Variants in PLA2G4F observed in about 807,000 individuals in gnomAD.
The protein encoded by PLA2G4F is phospholipase A2 group IVF.
Under a neutral mutation model 103.1 loss-of-function variants are expected in PLA2G4F, and 105 were observed. The observed-to-expected ratio is 1.02, with a 90% CI of 0.87 to 1.20. The LOEUF is 1.20. PLA2G4F is among the 50% of genes most tolerant of loss of function. The pLI, the probability that PLA2G4F is intolerant of heterozygous loss-of-function variation, is 0.00. For synonymous variants in PLA2G4F, 468 were observed against 441.1 expected (o/e 1.06, Z -0.76); for missense variants, 1,155 against 1,075.9 (o/e 1.07, Z -1.03).
chr15:42,151,430 G>T, intron 7 of PLA2G4F: 1 of 985,330 alleles, frequency 1.0e-6, no homozygotes, highest in Non-Finnish European at 1.2e-6. Flanking sequence ...GCAGCTTTCT[G>T]GGGAGGAGGC....
chr15:42,149,926 G>C, intron 10 of PLA2G4F, 78 bp from the exon 11 acceptor site: 1 of 1,564,556 alleles, frequency 6.4e-7, no homozygotes, highest in South Asian at 1.1e-5. Flanking sequence ...GCCCAGCCCA[G>C]GTCTTTCACA....
Position 42,144,533 on chromosome 15 carries a change from G to A in PLA2G4F, c.1892C>T (p.Thr631Ile). The A allele has an allele frequency of 6.2e-7, 1 of 1,612,840 alleles. No individual in the cohort carries two copies. The highest frequency in any genetic ancestry group is 8.5e-7 in the Non-Finnish European group (1 of 1,180,034). Reference sequence around the variant, plus strand: ...GGTGAAGTTAAAGCTCTGGGCGGAAGTGAAGCGGGAGGTGAATATGTCCAG... The same window carrying A: ...GGTGAAGTTAAAGCTCTGGGCGGAAATGAAGCGGGAGGTGAATATGTCCAG... ...AVLDIFTSRF[T>I]SAQSFNFTRG... The change falls in exon 17 of 20, where the codon ACT (threonine) becomes ATT (isoleucine). Residue 631 changes from threonine (T) to isoleucine (I), a missense_variant. Coordinates refer to ENST00000397272, the MANE Select transcript of PLA2G4F (RefSeq NM_213600.4).
intron 17 of PLA2G4F, 79 bp from the exon 18 acceptor site, chr15:42,144,223 T>G: frequency 3.3e-6 from 5 of 1,499,318 alleles, no homozygotes; most frequent in Non-Finnish European, 3.6e-6. Context: ...TGCATTCACG[T>G]TTGCCTTCTC....
intron 2 of PLA2G4F, among the ~76,000 whole-genome samples, chr15:42,154,985 C>G (rs2048999227): frequency 6.6e-6 from 1 of 151,798 alleles, no homozygotes; most frequent in African/African-American, 2.4e-5. Context: ...ATGTGTAGTA[C>G]TCTCACACTG....
In PLA2G4F at chr15:42,147,275, T is replaced by C; in HGVS notation, c.1268A>G (p.Gln423Arg). ...VALQGPIERA[Q>R]VHVCSSKMGA... Reference sequence around the variant, plus strand: ...CATCTTACTGCTGCAGACGTGAACCTGGGCACGCTCAATGGGGCCCTGCAA... The same window carrying C: ...CATCTTACTGCTGCAGACGTGAACCCGGGCACGCTCAATGGGGCCCTGCAA... The change falls in exon 13 of 20, where the codon CAG (glutamine) becomes CGG (arginine). Residue 423 changes from glutamine to arginine, a missense_variant. Transcript: ENST00000397272. 6.2e-7 allele frequency: 1 copy of C among 1,611,592 alleles called. No homozygotes were observed.
intron 18 of PLA2G4F, among the ~76,000 whole-genome samples, 173 bp from the exon 19 acceptor site, chr15:42,142,887 T>G (rs765671631): frequency 6.6e-6 from 1 of 151,992 alleles, no homozygotes; most frequent in Non-Finnish European, 1.5e-5. Flanking sequence ...AATAAAAAAT[T>G]TTTAAACTTC....
Position 42,154,459 on chromosome 15 carries a change from C to A in PLA2G4F, c.185-1G>T. 1 of 1,571,198 alleles carries A rather than the reference C, an allele frequency of 6.4e-7. No individual in the cohort carries two copies. The highest frequency in any genetic ancestry group is 1.4e-5 in the African/African-American group (1 of 73,890). On this transcript the variant is annotated splice_acceptor_variant, in intron 2 of 19. Transcript: ENST00000397272. LOFTEE classifies it high-confidence loss of function. ...TGCACATAGCAGTCGGCTTTGGACA[C>A]TGCAGGTAGGACAGGGAGGGGCCGG...
intron 18 of PLA2G4F, among the ~76,000 whole-genome samples, chr15:42,143,188 A>ATG: frequency 6.8e-6 from 1 of 147,240 alleles, no homozygotes; most frequent in East Asian, 2.0e-4. Flanking sequence ...AAAAAAAAAA[A>ATG]AAAAAAAAAA....
chr15:42,155,519 A>C lies in PLA2G4F; in HGVS notation c.182T>G (p.Leu61Arg). ...LRATNIRGTD[L>R]LSKADCYVQL... Reference sequence around the variant, plus strand: ...AGGATGGAGATGGGGTCACTCACGCAGGTCTGTGCCCCGGATGTTTGTGGC... The same window carrying C: ...AGGATGGAGATGGGGTCACTCACGCCGGTCTGTGCCCCGGATGTTTGTGGC... The change falls in exon 2 of 20, where the codon CTG (leucine) becomes CGG (arginine). Residue 61 changes from leucine (L) to arginine (R), a missense_variant and splice_region_variant. Coordinates refer to ENST00000397272, the MANE Select transcript of PLA2G4F (RefSeq NM_213600.4). 6.2e-7 allele frequency: 1 copy of C among 1,613,990 alleles called. No homozygotes were observed. The highest frequency in any genetic ancestry group is 8.5e-7 in the Non-Finnish European group (1 of 1,179,864).
chr15:42,147,851 G>C lies in PLA2G4F; in HGVS notation c.1060-89C>G, dbSNP rs1270588160. 14 of 1,528,016 alleles carry C rather than the reference G, an allele frequency of 9.2e-6. No individual in the cohort carries two copies. In the Admixed American group the frequency reaches 2.4e-4, roughly 26 times the overall value. The allele number at this position is 1,528,016 out of a possible 1,614,324, so 94.7% of individuals were successfully genotyped here. ...ATACATGTAGGACATTATTCTAAGA[G>C]TCTTACACGTATTATCTCATTGAAT... On this transcript the variant is annotated intron_variant, in intron 11 of 19. Transcript: ENST00000397272.
chr15:42,141,607 G>A lies in PLA2G4F; in HGVS notation c.*377C>T, dbSNP rs1488630779. ...TAAGGAGGACAGCTGGCTTCTCAGTGCCCTCAGCCCCTGTTCTGTGTGGGT... is the reference window on the plus strand; with the variant it reads ...TAAGGAGGACAGCTGGCTTCTCAGTACCCTCAGCCCCTGTTCTGTGTGGGT... On this transcript the variant is annotated 3_prime_UTR_variant, in exon 20 of 20. Transcript: ENST00000397272. 2.1e-6 allele frequency: 1 copy of A among 472,572 alleles called. No homozygotes were observed. The highest frequency in any genetic ancestry group is 4.2e-6 in the Non-Finnish European group (1 of 238,664). 29.3% of individuals were successfully genotyped at this position (472,572 alleles called of 1,614,324 possible).
intron 11 of PLA2G4F, chr15:42,149,017 G>A: frequency 2.0e-6 from 2 of 985,368 alleles, no homozygotes; most frequent in Non-Finnish European, 2.4e-6. Context: ...GAAGCCGGCA[G>A]CCTATTCCTG....
chr15:42,153,637 T>C lies in PLA2G4F; in HGVS notation c.474A>G (p.Glu158=), dbSNP rs534770676. ...GAACTCACCTCTTCTCCAGAACAAA[T>C]TCCACCTGCAGCTCTTGTGAATCCT... ...NHQDSQELQV[E]FVLEKSQVPA... The change falls in exon 5 of 20, where the codon GAA becomes GAG. Residue 158 remains glutamate (E), a synonymous_variant. Coordinates refer to ENST00000397272, the MANE Select transcript of PLA2G4F (RefSeq NM_213600.4). The C allele has an allele frequency of 5.6e-6, 9 of 1,614,022 alleles. No individual in the cohort carries two copies. The South Asian group carries it at 8.8e-5, about 16-fold the overall frequency.
At chr15:42,154,255 G>A (rs2048989407) in intron 3 of PLA2G4F, 35 bp from the exon 4 acceptor site, 1 of 1,613,890 alleles carries the variant, frequency 6.2e-7, no homozygotes, top group Admixed American at 1.7e-5. Context: ...CCGAGCATGA[G>A]GTAGGACAGG....
intron 11 of PLA2G4F, 49 bp downstream of exon 11, chr15:42,149,664 T>C: frequency 6.2e-7 from 1 of 1,609,038 alleles, no homozygotes; most frequent in Non-Finnish European, 8.5e-7. Flanking sequence ...GGAAGAGACT[T>C]GATTTAGTCC....
In PLA2G4F at chr15:42,147,235, C is replaced by G; in HGVS notation, c.1308G>C (p.Thr436=). 1 of 1,612,744 alleles carries G rather than the reference C, an allele frequency of 6.2e-7. No individual in the cohort carries two copies. The highest frequency in any genetic ancestry group is 1.1e-5 in the South Asian group (1 of 91,036). The stretch of plus-strand genomic sequence containing the variant: ...CCTGAGTGTAGTACTGTAGCCGCTC[C>G]GTGGACAAAGCTCCCATCTTACTGC... ...VCSSKMGALS[T]ERLQYYTQEL... The change falls in exon 13 of 20, where the codon ACG becomes ACC. Residue 436 remains threonine, a synonymous_variant. Transcript: ENST00000397272.
At position 42,145,784 on chromosome 15, in the gene PLA2G4F, G is replaced by A. The variant is rs531270542; in HGVS notation, c.1654C>T (p.Arg552Trp). The change falls in exon 15 of 20, where the codon CGG (arginine) becomes TGG (tryptophan). Residue 552 changes from arginine to tryptophan, a missense_variant. Physicochemically the swap from Arg to Trp is moderately radical, Grantham distance 101 (BLOSUM62 -3). Transcript: ENST00000397272. ...GRLLQLQPEPRICYLQGMWGS... is the reference protein window; with the variant it reads ...GRLLQLQPEPWICYLQGMWGS... ...GACTCACCTTGCAGGTAACAGATCC[G>A]GGGTTCAGGCTGGAGCTGCAGCAAT... The A allele has an allele frequency of 3.7e-5, 60 of 1,614,116 alleles. No individual in the cohort carries two copies. Among genetic ancestry groups the A allele is most frequent in the Middle Eastern group, 3.3e-4 (2 of 6,062 alleles).
At chr15:42,147,421 G>C in intron 12 of PLA2G4F, 75 bp from the exon 13 acceptor site, 1 of 1,468,206 alleles carries the variant, frequency 6.8e-7, no homozygotes, top group Non-Finnish European at 9.3e-7. Context: ...GAGTCTGTGA[G>C]TGGCCCTCCA....
In PLA2G4F at chr15:42,145,592, C is replaced by T. The variant is rs2048872919; in HGVS notation, c.1763G>A (p.Gly588Asp). Residue 588 changes from glycine to aspartate, a missense_variant, in exon 16 of 20, where the codon GGC becomes GAC. Physicochemically the swap from Gly to Asp is moderately conservative, Grantham distance 94. Around this residue, in one of 3 missense-constraint regions of PLA2G4F, gnomAD observed 782 missense variants for 692.9 expected, o/e 1.13. Coordinates refer to ENST00000397272, the MANE Select transcript of PLA2G4F (RefSeq NM_213600.4). ...ACCCTCACCTGTGATATTCACACTGCCTCTGTACCACTCCAGGAAGCTGAG... is the reference window on the plus strand; with the variant it reads ...ACCCTCACCTGTGATATTCACACTGTCTCTGTACCACTCCAGGAAGCTGAG... Reference protein sequence around the residue: ...SGLSFLEWYRGSVNITDDCQK... With the variant: ...SGLSFLEWYRDSVNITDDCQK... 6.2e-7 allele frequency: 1 copy of T among 1,614,024 alleles called. No homozygotes were observed. Among genetic ancestry groups the T allele is most frequent in the Admixed American group, 1.7e-5 (1 of 60,010 alleles).
Sources: gnomAD v4.1 joint callset for allele counts (sites outside exome capture counted in the v4.1 genomes callset) on GRCh38, gnomAD v4.1.1 for gene constraint, gnomAD v4.1.1 regional missense constraint, MANE v1.5 for transcripts, NCBI Gene and HGNC (gene_info 2026-07-23, HGNC 2026-07-21) for gene names.